NKD2: variants seen among roughly 807,000 people sequenced by gnomAD.
The protein encoded by NKD2 is protein naked cuticle homolog 2.
In NKD2, 43 loss-of-function variants were observed where a neutral mutation model predicts 34.8. The ratio of observed to expected loss-of-function variants is 1.24; its 90% CI spans 0.97 to 1.60. The LOEUF is 1.60. Among genes scored for constraint, NKD2 ranks in the 40% most tolerant of loss-of-function variants. The pLI, the probability that NKD2 is intolerant of heterozygous loss-of-function variation, is 0.00. For missense variants in NKD2, 675 were observed against 627.1 expected (o/e 1.08, Z -0.82); for synonymous variants, 278 against 265.1 (o/e 1.05, Z -0.47).
intron 3 of NKD2, among the ~76,000 whole-genome samples, chr5:1,014,460 G>A (rs1755869106): frequency 6.6e-6 from 1 of 152,196 alleles, no homozygotes; most frequent in Admixed American, 6.5e-5. Flanking sequence ...ACCCATCCAC[G>A]AGTGCCCTTC....
chr5:1,014,958 C>T (rs920073257), intron 3 of NKD2, among the ~76,000 whole-genome samples: 1 of 152,196 alleles, frequency 6.6e-6, no homozygotes, highest in Non-Finnish European at 1.5e-5. Context: ...CGGCTTCGGA[C>T]CCGGTGCTGC....
chr5:1,038,276 G>C lies in NKD2; in HGVS notation c.1259G>C (p.Gly420Ala), dbSNP rs972981418. Reference sequence around the variant, plus strand: ...CGGGACCTGCCGCCCACGCCAGCAGGAGAGGGCTACGCGGTGCCAGTGATC... The same window carrying C: ...CGGGACCTGCCGCCCACGCCAGCAGCAGAGGGCTACGCGGTGCCAGTGATC... ...VVRDLPPTPA[G>A]EGYAVPVIQR... Residue 420 changes from glycine to alanine, a missense_variant, in exon 10 of 10, where the codon GGA (glycine) becomes GCA (alanine). Gly to Ala is a moderately conservative substitution (Grantham distance 60, BLOSUM62 0). Coordinates refer to ENST00000296849, the MANE Select transcript of NKD2 (RefSeq NM_033120.4). The surrounding 1 kb of genome is among the most constrained non-coding windows in gnomAD (Gnocchi z 4.5). 1.3e-6 allele frequency: 2 copies of C among 1,570,422 alleles called. No homozygotes were observed. Among genetic ancestry groups the C allele is most frequent in the Non-Finnish European group, 1.7e-6 (2 of 1,163,174 alleles).
intron 3 of NKD2, among the ~76,000 whole-genome samples, chr5:1,021,620 A>AT (rs984637684): frequency 1.3e-5 from 2 of 151,934 alleles, no homozygotes; most frequent in African/African-American, 4.8e-5. Context: ...CTGTTTAGCC[A>AT]TTGAAACCGA....
intron 3 of NKD2, among the ~76,000 whole-genome samples, chr5:1,026,537 A>G (rs1756413074): frequency 5.6e-4 from 35 of 62,768 alleles, no homozygotes; most frequent in African/African-American, 8.7e-4. Flanking sequence ...TGGGTGTCCC[A>G]GCCCATTGTC....
intron 3 of NKD2, among the ~76,000 whole-genome samples, chr5:1,029,547 A>G (rs776901010): frequency 6.6e-6 from 1 of 152,160 alleles, no homozygotes; most frequent in Non-Finnish European, 1.5e-5. Context: ...GTAACCAGTG[A>G]AATCCCCCAC....
rs866572744 is a variant in NKD2 at position 1,033,464 on chromosome 5, C to T, written c.295C>T (p.Pro99Ser). ...DGERAANREG[P>S]RGPGGQRLNI... ...AGAGAGGGCAGCAAACCGCGAGGGC[C>T]CGCGAGGACCGGGCGGGCAGCGCCT... Residue 99 changes from proline to serine, a missense_variant, in exon 5 of 10, where the codon CCG becomes TCG. Physicochemically the swap from Pro to Ser is moderately conservative, Grantham distance 74. Transcript: ENST00000296849. 6.4e-7 allele frequency: 1 copy of T among 1,556,404 alleles called. No homozygotes were observed. Among genetic ancestry groups the T allele is most frequent in the Non-Finnish European group, 8.7e-7 (1 of 1,150,588 alleles).
chr5:1,029,341 C>T (rs1436478002), intron 3 of NKD2, among the ~76,000 whole-genome samples: 3 of 152,194 alleles, frequency 2.0e-5, no homozygotes, highest in Non-Finnish European at 2.9e-5. Context: ...GTTGATACAG[C>T]GTTGGCTGGT....
chr5:1,016,356 T>C (rs187413799), intron 3 of NKD2, among the ~76,000 whole-genome samples: 14 of 152,364 alleles, frequency 9.2e-5, no homozygotes, highest in African/African-American at 3.1e-4. Flanking sequence ...GTGAAACAAA[T>C]TGGGTCTGTT....
chr5:1,016,502 CAG>C (rs146387628), intron 3 of NKD2, among the ~76,000 whole-genome samples: 3,648 of 152,306 alleles, frequency 0.024, 152 homozygotes, highest in African/African-American at 0.083. Flanking sequence ...GCACCAAAAT[CAG>C]AGAAGCTAAA....
chr5:1,034,895 C>T lies in NKD2; in HGVS notation c.566C>T (p.Ala189Val). 1 of 1,609,200 alleles carries T rather than the reference C, an allele frequency of 6.2e-7. No homozygotes were observed. Among genetic ancestry groups the T allele is most frequent in the Non-Finnish European group, 8.5e-7 (1 of 1,178,054 alleles). The change falls in exon 7 of 10, where the codon GCT becomes GTT. Residue 189 changes from alanine to valine, a missense_variant. Coordinates refer to ENST00000296849, the MANE Select transcript of NKD2 (RefSeq NM_033120.4). ...AGCAAGAGGAAGGAGGGTCCTCCTG[C>T]TGGCCAGGGTGAGTGAGGCCTGGGC... ...PSSKRKEGPP[A>V]GQDREPTRCR...
intron 3 of NKD2, among the ~76,000 whole-genome samples, chr5:1,026,981 G>A (rs1756440509): frequency 6.6e-6 from 1 of 152,252 alleles, no homozygotes; most frequent in African/African-American, 2.4e-5. Context: ...CCTTGGGCCT[G>A]GCAGCCCAGT....
chr5:1,021,783 T>C (rs894070485), intron 3 of NKD2, among the ~76,000 whole-genome samples: 2 of 152,006 alleles, frequency 1.3e-5, no homozygotes, highest in African/African-American at 2.4e-5. Flanking sequence ...CGGTGGCAGG[T>C]TCCCCCCTCC....
chr5:1,013,811 G>T (rs1755847190), intron 3 of NKD2, among the ~76,000 whole-genome samples: 1 of 152,210 alleles, frequency 6.6e-6, no homozygotes. Flanking sequence ...GCGTGGTCCT[G>T]CCCGCTCGGG....
rs889910028 is a variant in NKD2 at position 1,009,443 on chromosome 5, C to A, written c.62-38C>A. ...CTCACGGCGCGTCTCTTTCCCTCCT[C>A]GGTGCGGGTTTCCCGCGCGTCCGCC... On this transcript the variant is annotated intron_variant, in intron 2 of 9. Transcript: ENST00000296849. This position sits in a 1 kb window ranked among gnomAD's most constrained non-coding sequence, Gnocchi z 6.9. The A allele has an allele frequency of 6.8e-6, 10 of 1,473,488 alleles. No individual in the cohort carries two copies. In the African/African-American group the frequency reaches 1.5e-4, roughly 22 times the overall value. 91.3% of individuals were successfully genotyped at this position (1,473,488 alleles called of 1,614,324 possible).
chr5:1,009,503 G>C lies in NKD2; in HGVS notation c.84G>C (p.Ala28=), dbSNP rs1247771031. 11 of 1,497,904 alleles carry C rather than the reference G, an allele frequency of 7.3e-6. No homozygotes were observed. The highest frequency in any genetic ancestry group is 1.5e-5 in the African/African-American group (1 of 68,554). The allele number at this position is 1,497,904 out of a possible 1,614,324, so 92.8% of individuals were successfully genotyped here. ...CAGGGGACAGCTTCGTGGCGTCCGC[G>C]TACGCGAGCGGCCGCAAAGGCGCGG... ...SPEGDSFVAS[A]YASGRKGAEE... The change falls in exon 3 of 10, where the codon GCG becomes GCC. Residue 28 remains alanine (A), a synonymous_variant. Coordinates refer to ENST00000296849, the MANE Select transcript of NKD2 (RefSeq NM_033120.4). This position sits in a 1 kb window ranked among gnomAD's most constrained non-coding sequence, Gnocchi z 6.9.
At chr5:1,030,464 G>C (rs1756600983) in intron 3 of NKD2, among the ~76,000 whole-genome samples, 1 of 152,222 alleles carries the variant, frequency 6.6e-6, no homozygotes, top group African/African-American at 2.4e-5. Context: ...TGCCCATGGG[G>C]GCTGCAACTC....
At chr5:1,017,488 G>T (rs1756006204) in intron 3 of NKD2, among the ~76,000 whole-genome samples, 1 of 152,388 alleles carries the variant, frequency 6.6e-6, no homozygotes, top group African/African-American at 2.4e-5. Context: ...GTTGCTGTAG[G>T]CTTCCAGCCG....
intron 9 of NKD2, 119 bp downstream of exon 9, chr5:1,036,503 A>G (rs1026635257): frequency 1.1e-4 from 22 of 207,780 alleles, no homozygotes; most frequent in Admixed American, 4.4e-4. Context: ...CCCCCCCCCA[A>G]CCCCCCCCAC....
At position 1,037,234 on chromosome 5, in the gene NKD2, G is replaced by T. The variant is rs78838944; in HGVS notation, c.788-571G>T. The stretch of plus-strand genomic sequence containing the variant: ...CCAAAGCCCAGGCCACTCCCCAAGG[G>T]CTGGGGCCAAGTCTCTCTCATAACC... On this transcript the variant is annotated intron_variant, in intron 9 of 9. Coordinates refer to ENST00000296849, the MANE Select transcript of NKD2 (RefSeq NM_033120.4). Among the ~76,000 whole-genome samples, 849 of 152,244 alleles carry T rather than the reference G, an allele frequency of 5.6e-3. 23 individuals are homozygous for T. In the East Asian group the frequency reaches 0.061, roughly 11 times the overall value.
Sources: allele counts gnomAD v4.1 joint callset (sites outside exome capture counted in the v4.1 genomes callset), GRCh38; gene constraint gnomAD v4.1.1; non-coding constraint Gnocchi (gnomAD v3.1); transcripts MANE v1.5; gene names NCBI Gene and HGNC (gene_info 2026-07-23, HGNC 2026-07-21).